The following CDYL2 variants were observed in gnomAD, a reference collection of about 807,000 sequenced individuals.
CDYL2 encodes chromodomain Y like 2.
In CDYL2, 23 loss-of-function variants were observed where a neutral mutation model predicts 49.4. That is an observed-to-expected ratio of 0.47 (90% confidence interval 0.34 to 0.66). The LOEUF is 0.66. CDYL2 is among the 30% of genes least tolerant of loss of function. CDYL2 has a pLI of 0.01. For synonymous variants in CDYL2, 360 were observed against 268.8 expected, an observed-to-expected ratio of 1.34 and a Z score of -3.32; for missense variants, 678 against 656.4, an observed-to-expected ratio of 1.03 and a Z score of -0.36.
At chr16:80,678,412 C>T (rs986244435) in intron 2 of CDYL2, among the ~76,000 whole-genome samples, 4 of 152,076 alleles carry the variant, frequency 2.6e-5, no homozygotes, top group African/African-American at 9.7e-5. Context: ...AACAAATTTA[C>T]AAGAGAAAAA....
intron 1 of CDYL2, among the ~76,000 whole-genome samples, chr16:80,715,639 T>C (rs1026934272): frequency 7.9e-5 from 12 of 152,166 alleles, no homozygotes; most frequent in Non-Finnish European, 1.8e-4. Flanking sequence ...AATGAAAATC[T>C]GATTGTGTCC....
chr16:80,695,596 G>C (rs1379474349), intron 1 of CDYL2, among the ~76,000 whole-genome samples: 2 of 152,084 alleles, frequency 1.3e-5, no homozygotes, highest in African/African-American at 4.8e-5. Context: ...ATGAGCAGAA[G>C]TGGTTATATT....
chr16:80,618,684 G>A (rs561418605), intron 4 of CDYL2, among the ~76,000 whole-genome samples: 1 of 152,170 alleles, frequency 6.6e-6, no homozygotes, highest in South Asian at 2.1e-4. Flanking sequence ...GCTGGGACAA[G>A]CCTCATCACC....
chr16:80,740,619 C>A (rs1481051816), intron 1 of CDYL2, among the ~76,000 whole-genome samples: 1 of 152,022 alleles, frequency 6.6e-6, no homozygotes, highest in African/African-American at 2.4e-5. Flanking sequence ...CTTCACAGCC[C>A]AAGTGAATGA....
chr16:80,741,819 G>A (rs189211493), intron 1 of CDYL2, among the ~76,000 whole-genome samples: 203 of 151,774 alleles, frequency 1.3e-3, no homozygotes, highest in Middle Eastern at 3.4e-3. Flanking sequence ...ATTCTCATAC[G>A]GGGGAGCTGT....
rs187640742 is a variant in CDYL2, at chr16:80,712,295, C to G, written c.25-27166G>C. Among the ~76,000 whole-genome samples, 7 of 150,596 alleles carry G rather than the reference C, an allele frequency of 4.6e-5. No homozygotes were observed. The Admixed American group carries it at 4.7e-4, about 10-fold the overall frequency. On this transcript the variant is annotated intron_variant, in intron 1 of 6. Transcript: ENST00000570137. Reference sequence around the variant, plus strand: ...TTTTAAAATAATGTCCAGAGAGTCCCTGAAACGTAGCCACTGGATCACCTG... The same window carrying G: ...TTTTAAAATAATGTCCAGAGAGTCCGTGAAACGTAGCCACTGGATCACCTG...
At chr16:80,745,186 G>A (rs777297059) in intron 1 of CDYL2, among the ~76,000 whole-genome samples, 23 of 152,132 alleles carry the variant, frequency 1.5e-4, no homozygotes, top group Admixed American at 7.2e-4. Context: ...CAAACTGCCC[G>A]AGGGTCCCCC....
rs544996901 is a variant in CDYL2 at position 80,599,279 on chromosome 16, A to T, written c.*5109T>A. The T allele has an allele frequency of 1.3e-5, 2 of 152,256 alleles. No homozygotes were observed. The highest frequency in any genetic ancestry group is 2.9e-5 in the Non-Finnish European group (2 of 68,044). The allele number at this position is 152,256 out of a possible 1,614,324, so 9.4% of individuals were successfully genotyped here. ...GCTGATAAGTTGACTTTATAAATAC[A>T]TACCAGAGATGAACCAAATAACTTG... On this transcript the variant is annotated 3_prime_UTR_variant, in exon 7 of 7. Transcript: ENST00000570137.
chr16:80,636,518 C>A (rs530279699), intron 2 of CDYL2, among the ~76,000 whole-genome samples: 2 of 152,226 alleles, frequency 1.3e-5, no homozygotes, highest in South Asian at 4.1e-4. Flanking sequence ...CCATCTCACG[C>A]CAGTTAGAAT....
intron 3 of CDYL2, among the ~76,000 whole-genome samples, chr16:80,623,303 C>T (rs1037866996): frequency 2.6e-5 from 4 of 152,190 alleles, no homozygotes; most frequent in African/African-American, 7.2e-5. Flanking sequence ...GGGGTGAAAT[C>T]AATAGCCTCT....
intron 1 of CDYL2, among the ~76,000 whole-genome samples, chr16:80,706,812 C>G (rs1240182390): frequency 1.3e-5 from 2 of 152,288 alleles, no homozygotes; most frequent in East Asian, 3.9e-4. Flanking sequence ...GGAAAATCTT[C>G]ATCACGGGAA....
At chr16:80,695,465 A>C (rs1910582674) in intron 1 of CDYL2, among the ~76,000 whole-genome samples, 1 of 152,246 alleles carries the variant, frequency 6.6e-6, no homozygotes, top group South Asian at 2.1e-4. Flanking sequence ...TGACTGAATG[A>C]ACTAAAAAAG....
rs1309472152 is a variant in CDYL2 at position 80,804,512 on chromosome 16, G to T, written c.-339C>A. ...CCCCGCGACCCGGCGACCCGGCGGC[G>T]GTGGCTGCAGCCGGCAACGGCTCGC... is the stretch of plus-strand genomic sequence containing the variant. On this transcript the variant is annotated 5_prime_UTR_variant, in exon 1 of 7. Transcript: ENST00000570137. Among the ~76,000 whole-genome samples, 1 of 144,488 alleles carries T rather than the reference G, an allele frequency of 6.9e-6. No homozygotes were observed. The highest frequency in any genetic ancestry group is 2.1e-4 in the East Asian group (1 of 4,778). The allele number at this position is 144,488 out of a possible 152,430, so 94.8% of individuals were successfully genotyped here. A position where few individuals can be genotyped will look rare whatever the true frequency, so the allele number is the denominator to read the frequency against.
At chr16:80,746,271 A>C (rs1905927468) in intron 1 of CDYL2, among the ~76,000 whole-genome samples, 1 of 152,158 alleles carries the variant, frequency 6.6e-6, no homozygotes, top group Non-Finnish European at 1.5e-5. Context: ...GAACATAATA[A>C]ATTGATACCA....
chr16:80,653,598 G>T (rs1028172254), intron 2 of CDYL2, among the ~76,000 whole-genome samples: 1 of 151,928 alleles, frequency 6.6e-6, no homozygotes, highest in Non-Finnish European at 1.5e-5. Context: ...ATATTTAAGG[G>T]TACATGAGAC....
At chr16:80,719,330 C>G (rs991832797) in intron 1 of CDYL2, among the ~76,000 whole-genome samples, 3 of 152,162 alleles carry the variant, frequency 2.0e-5, no homozygotes, top group Non-Finnish European at 4.4e-5. Context: ...CTGCTCAGTG[C>G]CTCCGTTTCT....
At chr16:80,751,534 T>C (rs545267363) in intron 1 of CDYL2, among the ~76,000 whole-genome samples, 1 of 152,168 alleles carries the variant, frequency 6.6e-6, no homozygotes, top group South Asian at 2.1e-4. Flanking sequence ...CAAGAGCCTA[T>C]CAAGGCAAAC....
chr16:80,777,246 T>A (rs913529452), intron 1 of CDYL2, among the ~76,000 whole-genome samples: 2 of 152,180 alleles, frequency 1.3e-5, no homozygotes, highest in South Asian at 2.1e-4. Flanking sequence ...TGTCCTTTTT[T>A]AAAACTATGT....
chr16:80,772,436 G>A (rs1044349239), intron 1 of CDYL2, among the ~76,000 whole-genome samples: 2 of 152,158 alleles, frequency 1.3e-5, no homozygotes, highest in African/African-American at 2.4e-5. Flanking sequence ...GAATTGTCTG[G>A]GAATAGTGCA....
Sources: allele counts gnomAD v4.1 joint callset (sites outside exome capture counted in the v4.1 genomes callset), GRCh38; gene constraint gnomAD v4.1.1; transcripts MANE v1.5; gene names NCBI Gene and HGNC (gene_info 2026-07-23, HGNC 2026-07-21).